Variants in NIPA2 observed in about 807,000 individuals in gnomAD.
NIPA2 encodes the protein NIPA magnesium transporter 2, also known as magnesium transporter NIPA2.
NIPA2 carries 11 observed loss-of-function variants against 29.7 expected under a neutral mutation model. The ratio of observed to expected loss-of-function variants is 0.37; its 90% CI spans 0.23 to 0.61. The LOEUF (loss-of-function observed/expected upper bound fraction) is 0.61. Ranked by LOEUF, NIPA2 falls within the 20% of genes least tolerant of loss-of-function variation. The pLI is 0.66. For synonymous variants in NIPA2, 183 were observed against 161.9 expected (o/e 1.13, Z -0.99); for missense variants, 426 against 437.9 (o/e 0.97, Z 0.24).
At chr15:22,840,225 T>C (rs1284012613) in intron 2 of NIPA2, among the ~76,000 whole-genome samples, 1 of 150,478 alleles carries the variant, frequency 6.6e-6, no homozygotes, top group Non-Finnish European at 1.5e-5. Context: ...GGGCCTAAGC[T>C]AACTTAGATA....
rs1227944102 is a variant in NIPA2 at position 22,867,902 on chromosome 15, A to ATAAT, written c.*1056_*1059dup. 2.6e-5 allele frequency: 4 copies of ATAAT among 152,226 alleles called. No individual in the cohort carries two copies. Among genetic ancestry groups the ATAAT allele is most frequent in the African/African-American group, 4.8e-5 (2 of 41,448 alleles). 9.4% of individuals were successfully genotyped at this position (152,226 alleles called of 1,614,324 possible). ...TGCAAACATATGCAGAAAAGGTAGA[A>ATAAT]TAATAAAAAAGGTCTAATGAACTCC... On this transcript the variant is annotated 3_prime_UTR_variant, in exon 8 of 8. Coordinates refer to ENST00000337451, the MANE Select transcript of NIPA2 (RefSeq NM_030922.7).
intron 5 of NIPA2, among the ~76,000 whole-genome samples, chr15:22,854,133 T>C (rs936822278): frequency 2.7e-5 from 4 of 146,722 alleles, no homozygotes; most frequent in Non-Finnish European, 6.0e-5. Flanking sequence ...CCGTTACTTA[T>C]TTATTTATTT....
At chr15:22,855,771 C>T (rs977406235) in intron 5 of NIPA2, among the ~76,000 whole-genome samples, 10 of 152,012 alleles carry the variant, frequency 6.6e-5, no homozygotes, top group South Asian at 2.1e-4. Flanking sequence ...GTAAAGGAAG[C>T]GAGTGATCTG....
intron 4 of NIPA2, among the ~76,000 whole-genome samples, chr15:22,852,381 G>T (rs1026316720): frequency 6.6e-6 from 1 of 151,478 alleles, no homozygotes; most frequent in Admixed American, 6.6e-5. Flanking sequence ...CAGCAGAATC[G>T]CTTGAACCCG....
In NIPA2 at chr15:22,839,780, T is replaced by TAA. The variant is rs1316940796; in HGVS notation, c.-224_-223dup. Reference sequence around the variant, plus strand: ...CTTTTTTTCATAAGAGAGACCATATTAAACTTACATGTAAGTTAAAATTGT... The same window carrying TAA: ...CTTTTTTTCATAAGAGAGACCATATTAAAAACTTACATGTAAGTTAAAATTGT... On this transcript the variant is annotated 5_prime_UTR_variant, in exon 2 of 8. It introduces an in-frame stop codon into an upstream open reading frame of the 5' UTR. Transcript: ENST00000337451. The TAA allele has an allele frequency of 6.6e-6, 1 of 152,218 alleles. No individual in the cohort carries two copies. Among genetic ancestry groups the TAA allele is most frequent in the Non-Finnish European group, 1.5e-5 (1 of 68,052 alleles). 9.4% of individuals were successfully genotyped at this position (152,218 alleles called of 1,614,324 possible). A position where few individuals can be genotyped will look rare whatever the true frequency, so the allele number is the denominator to read the frequency against.
chr15:22,861,779 G>C (rs2058637852), intron 7 of NIPA2, among the ~76,000 whole-genome samples: 1 of 152,066 alleles, frequency 6.6e-6, no homozygotes, highest in Non-Finnish European at 1.5e-5. Flanking sequence ...GTGTTGCCCA[G>C]GCTGGAATGC....
chr15:22,863,709 G>GT (rs1179546675), intron 7 of NIPA2, among the ~76,000 whole-genome samples: 3 of 152,144 alleles, frequency 2.0e-5, no homozygotes, highest in African/African-American at 7.2e-5. Context: ...ATTCCAACTT[G>GT]TTTTTACCTA....
rs551645240 is a variant in NIPA2, at chr15:22,854,034, C to T, written c.196+766C>T. Reference sequence around the variant, plus strand: ...GTAGAGACAGGGATTCACACGTTGGCCAGGCTGGTCTCGATCTCTTGACCT... The same window carrying T: ...GTAGAGACAGGGATTCACACGTTGGTCAGGCTGGTCTCGATCTCTTGACCT... On this transcript the variant is annotated intron_variant, in intron 5 of 7. Coordinates refer to ENST00000337451, the MANE Select transcript of NIPA2 (RefSeq NM_030922.7). Among the ~76,000 whole-genome samples, 156 of 151,410 alleles carry T rather than the reference C, an allele frequency of 1.0e-3. 1 individual carries two copies. The highest frequency in any genetic ancestry group is 1.6e-3 in the Admixed American group (25 of 15,234).
rs563072055 is a variant in NIPA2 at position 22,857,911 on chromosome 15, T to G, written c.197-629T>G. On this transcript the variant is annotated intron_variant, in intron 5 of 7. Coordinates refer to ENST00000337451, the MANE Select transcript of NIPA2 (RefSeq NM_030922.7). ...GAGTACCTTTACCTTCATGTCGGCT[T>G]CTTCTCAGTGATTTTTATTTACTGT... is the stretch of plus-strand genomic sequence containing the variant. 5.6e-4 allele frequency among the ~76,000 whole-genome samples: 85 copies of G among 151,908 alleles called. 1 individual carries two copies. Among genetic ancestry groups the G allele is most frequent in the African/African-American group, 1.8e-3 (74 of 41,440 alleles).
chr15:22,862,778 T>G (rs1253257701), intron 7 of NIPA2, among the ~76,000 whole-genome samples: 1 of 152,068 alleles, frequency 6.6e-6, no homozygotes, highest in African/African-American at 2.4e-5. Flanking sequence ...TGTTTTTTCT[T>G]CCTTCAGAGA....
chr15:22,856,902 C>T (rs764926774), intron 5 of NIPA2, among the ~76,000 whole-genome samples: 2 of 152,206 alleles, frequency 1.3e-5, no homozygotes, highest in Non-Finnish European at 2.9e-5. Flanking sequence ...GAGATCATGC[C>T]TCTGCCCTGT....
intron 2 of NIPA2, among the ~76,000 whole-genome samples, chr15:22,841,022 G>T: frequency 6.6e-6 from 1 of 150,890 alleles, no homozygotes; most frequent in Admixed American, 6.6e-5. Context: ...GTGGGGTGGG[G>T]GTGGGAGAGG....
chr15:22,866,679 T>G lies in NIPA2; in HGVS notation c.915T>G (p.Ser305Arg). The G allele has an allele frequency of 1.2e-6, 2 of 1,614,106 alleles. No individual in the cohort carries two copies. The highest frequency in any genetic ancestry group is 1.7e-6 in the Non-Finnish European group (2 of 1,179,990). ...LLHAFKDVSF[S>R]LASLPVSFRK... is the part of the protein sequence containing the mutation. ...ATGCCTTTAAAGACGTCAGCTTTAG[T>G]CTAGCAAGTCTGCCTGTGTCTTTTC... The change falls in exon 8 of 8, where the codon AGT becomes AGG. Residue 305 changes from serine (S) to arginine (R), a missense_variant. Physicochemically the swap from Ser to Arg is moderately radical, Grantham distance 110 (BLOSUM62 -1). Coordinates refer to ENST00000337451, the MANE Select transcript of NIPA2 (RefSeq NM_030922.7).
intron 5 of NIPA2, among the ~76,000 whole-genome samples, chr15:22,858,194 C>G (rs1245787064): frequency 5.3e-5 from 8 of 152,024 alleles, no homozygotes; most frequent in Non-Finnish European, 2.9e-5. Context: ...GAGATCAAGA[C>G]CATCCTGGCT....
chr15:22,839,330 CTG>C (rs1489697260), intron 1 of NIPA2, among the ~76,000 whole-genome samples: 4 of 152,242 alleles, frequency 2.6e-5, no homozygotes, highest in African/African-American at 7.2e-5. Context: ...TTGCTCAAAA[CTG>C]TGTGTTTAGT....
chr15:22,844,588 A>G (rs1248097336), intron 2 of NIPA2, among the ~76,000 whole-genome samples: 2 of 151,922 alleles, frequency 1.3e-5, no homozygotes, highest in Non-Finnish European at 2.9e-5. Context: ...TGTAGAGAGA[A>G]CAAGCAGAAC....
Position 22,866,420 on chromosome 15 carries a change from G to T in NIPA2, c.656G>T (p.Trp219Leu). ...CCTGTGCTGCGGCATCCCCTGGCTT[G>T]GATTCTGCTGCTGAGCCTCATCGTC... ...GKPVLRHPLA[W>L]ILLLSLIVCV... Residue 219 changes from tryptophan to leucine, a missense_variant, in exon 8 of 8, where the codon TGG becomes TTG. Trp to Leu is a moderately conservative substitution (Grantham distance 61). This residue lies in a region of NIPA2 where 357 missense variants were observed against 339.8 expected (regional missense o/e 1.05). Coordinates refer to ENST00000337451, the MANE Select transcript of NIPA2 (RefSeq NM_030922.7). 1.2e-6 allele frequency: 2 copies of T among 1,614,100 alleles called. No homozygotes were observed. Among genetic ancestry groups the T allele is most frequent in the Non-Finnish European group, 1.7e-6 (2 of 1,179,984 alleles).
intron 7 of NIPA2, among the ~76,000 whole-genome samples, chr15:22,862,054 T>C (rs2058664217): frequency 6.9e-6 from 1 of 145,768 alleles, no homozygotes; most frequent in South Asian, 2.3e-4. Flanking sequence ...TCTCTCTTTT[T>C]TTTTTTTTTT....
intron 5 of NIPA2, among the ~76,000 whole-genome samples, chr15:22,855,871 C>T (rs1480107915): frequency 2.0e-5 from 3 of 152,154 alleles, no homozygotes; most frequent in South Asian, 2.1e-4. Context: ...GGCCAATTAA[C>T]GTGTGATACA....
Sources: gnomAD v4.1 joint callset for allele counts (sites outside exome capture counted in the v4.1 genomes callset) on GRCh38, gnomAD v4.1.1 for gene constraint, gnomAD v4.1.1 regional missense constraint, MANE v1.5 for transcripts, NCBI Gene and HGNC (gene_info 2026-07-23, HGNC 2026-07-21) for gene names.